The following ATRNL1 variants were observed in gnomAD, a reference collection of about 807,000 sequenced individuals.
ATRNL1 encodes the protein attractin like 1.
A neutral mutation model predicts 182.7 loss-of-function variants in ATRNL1; 95 were observed. The ratio of observed to expected loss-of-function variants is 0.52; its 90% CI spans 0.44 to 0.62. ATRNL1 has a LOEUF of 0.62. Among genes scored for constraint, ATRNL1 ranks in the 20% least tolerant of loss-of-function variants. The pLI is 0.00. For synonymous variants in ATRNL1, 576 were observed against 568.3 expected, an observed-to-expected ratio of 1.01 and a Z score of -0.19; for missense variants, 1,471 against 1,679.5, an observed-to-expected ratio of 0.88 and a Z score of 2.17.
intron 26 of ATRNL1, among the ~76,000 whole-genome samples, chr10:115,592,746 C>G (rs1855987501): frequency 6.6e-6 from 1 of 152,162 alleles, no homozygotes; most frequent in Non-Finnish European, 1.5e-5. Context: ...CAATCAGTTT[C>G]TATTTATCCA....
chr10:115,114,614 A>G (rs868983402), intron 1 of ATRNL1, among the ~76,000 whole-genome samples: 16 of 152,204 alleles, frequency 1.1e-4, no homozygotes, highest in African/African-American at 3.4e-4. Context: ...GAAAACATAC[A>G]AAAGGTCAAA....
intron 8 of ATRNL1, among the ~76,000 whole-genome samples, chr10:115,182,695 G>C (rs1377802249): frequency 6.6e-6 from 1 of 151,216 alleles, no homozygotes; most frequent in South Asian, 2.1e-4. Context: ...GTAAGACAGG[G>C]AATATCAAAA....
At chr10:115,238,227 T>C (rs1168870721) in intron 9 of ATRNL1, among the ~76,000 whole-genome samples, 1 of 152,212 alleles carries the variant, frequency 6.6e-6, no homozygotes, top group African/African-American at 2.4e-5. Context: ...TTTAGGTCTT[T>C]TGCCTTTACA....
intron 28 of ATRNL1, among the ~76,000 whole-genome samples, chr10:115,851,709 C>T (rs1258390085): frequency 6.6e-6 from 1 of 152,252 alleles, no homozygotes; most frequent in South Asian, 2.1e-4. Context: ...TGCTTCCCCG[C>T]CCAGTAAACC....
chr10:115,667,440 G>A (rs1201765213), intron 26 of ATRNL1, among the ~76,000 whole-genome samples: 2 of 152,070 alleles, frequency 1.3e-5, no homozygotes, highest in Non-Finnish European at 2.9e-5. Context: ...ATTGAACAGG[G>A]AGGTCTGCTT....
At chr10:115,186,434 T>A (rs1554888756) in intron 8 of ATRNL1, among the ~76,000 whole-genome samples, 1 of 152,096 alleles carries the variant, frequency 6.6e-6, no homozygotes, top group Non-Finnish European at 1.5e-5. Context: ...GTACTATTCA[T>A]CATAGCCAAG....
chr10:115,270,003 TAAC>T (rs1851772483), intron 13 of ATRNL1, among the ~76,000 whole-genome samples: 1 of 151,872 alleles, frequency 6.6e-6, no homozygotes, highest in Admixed American at 6.6e-5. Context: ...GTTGTTTTAA[TAAC>T]AAGATATACT....
chr10:115,920,213 C>A (rs1390182096), intron 28 of ATRNL1, among the ~76,000 whole-genome samples: 2 of 152,188 alleles, frequency 1.3e-5, no homozygotes, highest in African/African-American at 4.8e-5. Flanking sequence ...GTTTTGTAAA[C>A]AAACACATTT....
intron 9 of ATRNL1, among the ~76,000 whole-genome samples, chr10:115,230,221 A>T (rs1849867040): frequency 1.3e-5 from 2 of 152,210 alleles, no homozygotes; most frequent in Non-Finnish European, 2.9e-5. Flanking sequence ...TAAATATGGA[A>T]ATAAGTAAAA....
intron 5 of ATRNL1, among the ~76,000 whole-genome samples, chr10:115,142,262 C>T (rs147154815): frequency 6.6e-6 from 1 of 152,192 alleles, no homozygotes; most frequent in South Asian, 2.1e-4. Flanking sequence ...AGACTTTAAG[C>T]AAGCAAGAGA....
At chr10:115,872,999 G>C (rs1336377904) in intron 28 of ATRNL1, among the ~76,000 whole-genome samples, 1 of 152,168 alleles carries the variant, frequency 6.6e-6, no homozygotes, top group African/African-American at 2.4e-5. Context: ...AGATCTTTCC[G>C]ATCATATTTC....
intron 27 of ATRNL1, among the ~76,000 whole-genome samples, chr10:115,738,154 T>TTTTTTTTTTTTTTTTTTTG (rs71010046): frequency 1.6e-5 from 1 of 63,870 alleles, no homozygotes; most frequent in Non-Finnish European, 3.3e-5. Flanking sequence ...TTTTTTTTTT[T>TTTTTTTTTTTTTTTTTTTG]TTGAGATGGA....
At chr10:115,121,995 T>TA (rs1844759235) in intron 3 of ATRNL1, among the ~76,000 whole-genome samples, 183 bp downstream of exon 3, 1 of 152,066 alleles carries the variant, frequency 6.6e-6, no homozygotes. Flanking sequence ...TAAATATTGA[T>TA]ATAACATAAA....
chr10:115,171,096 A>G lies in ATRNL1; in HGVS notation c.1152A>G (p.Glu384=). 6.3e-7 allele frequency: 1 copy of G among 1,596,880 alleles called. No homozygotes were observed. Among genetic ancestry groups the G allele is most frequent in the Non-Finnish European group, 8.5e-7 (1 of 1,169,852 alleles). ...CAAATGATGGCAATGTCACAGATGAATTATGGGTTTTTAACATACATAGTC... is the reference window on the plus strand; with the variant it reads ...CAAATGATGGCAATGTCACAGATGAGTTATGGGTTTTTAACATACATAGTC... ...IETNDGNVTD[E]LWVFNIHSQS... The change falls in exon 8 of 29, where the codon GAA becomes GAG. Residue 384 remains glutamate (E), a synonymous_variant. Transcript: ENST00000355044.
chr10:115,250,730 C>T (rs977436433), intron 10 of ATRNL1, among the ~76,000 whole-genome samples: 1 of 152,080 alleles, frequency 6.6e-6, no homozygotes, highest in Non-Finnish European at 1.5e-5. Flanking sequence ...TCCACTGGAC[C>T]CCTAAATATT....
At chr10:115,189,294 T>A (rs1043488825) in intron 8 of ATRNL1, among the ~76,000 whole-genome samples, 2 of 152,192 alleles carry the variant, frequency 1.3e-5, no homozygotes, top group Non-Finnish European at 2.9e-5. Flanking sequence ...TAGTGATTTA[T>A]GTGTTTACTA....
intron 27 of ATRNL1, among the ~76,000 whole-genome samples, chr10:115,845,610 T>C (rs1188646302): frequency 6.6e-6 from 1 of 152,082 alleles, no homozygotes; most frequent in Non-Finnish European, 1.5e-5. Context: ...GAATCATTTG[T>C]CGTTTTTCTC....
chr10:115,205,552 C>T (rs1848763087), intron 8 of ATRNL1, among the ~76,000 whole-genome samples: 1 of 151,360 alleles, frequency 6.6e-6, no homozygotes, highest in South Asian at 2.1e-4. Flanking sequence ...TTTCCTTTTT[C>T]CTGTATTCAT....
chr10:115,866,756 T>A (rs1413934550), intron 28 of ATRNL1, among the ~76,000 whole-genome samples: 1 of 152,184 alleles, frequency 6.6e-6, no homozygotes, highest in African/African-American at 2.4e-5. Context: ...GAGTTTTTTT[T>A]AAAGGAGCGA....
Sources: allele counts gnomAD v4.1 joint callset (sites outside exome capture counted in the v4.1 genomes callset), GRCh38; gene constraint gnomAD v4.1.1; transcripts MANE v1.5; gene names NCBI Gene and HGNC (gene_info 2026-07-23, HGNC 2026-07-21).